VRK2: variants seen among roughly 807,000 people sequenced by gnomAD.
VRK2 encodes VRK serine/threonine kinase 2.
VRK2 carries 60 observed loss-of-function variants against 57.6 expected under a neutral mutation model. That is an observed-to-expected ratio of 1.04 (90% CI 0.85 to 1.29). The LOEUF is 1.29. VRK2 is among the 50% of genes most tolerant of loss of function. The probability of loss-of-function intolerance (pLI) is 0.00; values close to 1 mark genes in which losing one functional copy is unlikely to be tolerated. For missense variants in VRK2, 705 were observed against 588.1 expected (o/e 1.20, Z -2.06); for synonymous variants, 231 against 199.2 (o/e 1.16, Z -1.35).
chr2:57,959,387 T>G (rs982330852), intron 1 of VRK2, among the ~76,000 whole-genome samples: 1 of 152,194 alleles, frequency 6.6e-6, no homozygotes, highest in Admixed American at 6.5e-5. Flanking sequence ...TTTTTTTCTC[T>G]TTTTTTCCTT....
chr2:57,985,992 C>T (rs887190459), intron 1 of VRK2, among the ~76,000 whole-genome samples: 1 of 151,876 alleles, frequency 6.6e-6, no homozygotes, highest in Non-Finnish European at 1.5e-5. Flanking sequence ...AATTACAAAA[C>T]CAATGGTAGG....
chr2:58,049,413 A>G (rs748017926), intron 2 of VRK2, among the ~76,000 whole-genome samples: 3 of 152,176 alleles, frequency 2.0e-5, no homozygotes, highest in Non-Finnish European at 4.4e-5. Flanking sequence ...TAAGGCATCT[A>G]TTCTGTGAAA....
chr2:58,037,433 T>C (rs1002859354), intron 3 of VRK2, among the ~76,000 whole-genome samples: 1 of 152,040 alleles, frequency 6.6e-6, no homozygotes, highest in African/African-American at 2.4e-5. Context: ...TTATTTTCTA[T>C]GGGAAAGGGG....
intron 1 of VRK2, among the ~76,000 whole-genome samples, chr2:57,924,943 A>G (rs1394517755): frequency 5.9e-5 from 9 of 151,790 alleles, no homozygotes; most frequent in Admixed American, 5.9e-4. Flanking sequence ...TATCAAATGC[A>G]TTTTCAGCAT....
At chr2:58,154,728 G>C (rs1166880449) in intron 12 of VRK2, 2 of 716,920 alleles carry the variant, frequency 2.8e-6, no homozygotes, top group South Asian at 1.5e-5. Context: ...TCTTGATCTT[G>C]GTGTATTTTC....
chr2:57,926,445 G>A lies in VRK2; in HGVS notation c.-439+18606G>A, dbSNP rs201430375. ...TATATATATACATATATATATGTGT[G>A]TGTGTGTGTGTGTGTGTGTGTGTAT... On this transcript the variant is annotated intron_variant, in intron 1 of 15. Transcript: ENST00000417641. Among the ~76,000 whole-genome samples, 43 of 21,472 alleles carry A rather than the reference G, an allele frequency of 2.0e-3. 1 individual carries two copies. Among genetic ancestry groups the A allele is most frequent in the Non-Finnish European group, 3.0e-3 (32 of 10,826 alleles). The allele number at this position is 21,472 out of a possible 152,430, so 14.1% of individuals were successfully genotyped here. A position where few individuals can be genotyped will look rare whatever the true frequency, so the allele number is the denominator to read the frequency against.
At chr2:57,967,153 T>C (rs968716084) in intron 1 of VRK2, among the ~76,000 whole-genome samples, 21 of 152,118 alleles carry the variant, frequency 1.4e-4, no homozygotes, top group African/African-American at 5.1e-4. Context: ...ATGTTCTCAC[T>C]CCTAAGCGGG....
chr2:58,110,323 A>G (rs1675373966), intron 7 of VRK2, among the ~76,000 whole-genome samples: 1 of 152,210 alleles, frequency 6.6e-6, no homozygotes, highest in Admixed American at 6.5e-5. Context: ...TTATTTTAAT[A>G]GGGCATAATA....
intron 3 of VRK2, among the ~76,000 whole-genome samples, chr2:58,034,566 T>G (rs767515347): frequency 6.6e-6 from 1 of 152,012 alleles, no homozygotes; most frequent in South Asian, 2.1e-4. Context: ...ATGGTTTGTT[T>G]TATTACATTC....
intron 11 of VRK2, among the ~76,000 whole-genome samples, chr2:58,141,040 C>T (rs757625496): frequency 2.0e-5 from 3 of 151,974 alleles, no homozygotes; most frequent in Non-Finnish European, 1.5e-5. Flanking sequence ...GCACTATTTA[C>T]GTATTGCAGA....
intron 1 of VRK2, among the ~76,000 whole-genome samples, chr2:57,991,941 C>T (rs572504537): frequency 1.4e-5 from 2 of 143,126 alleles, no homozygotes; most frequent in East Asian, 4.0e-4. Flanking sequence ...CTGGCGACAG[C>T]ATGAGACTCC....
chr2:58,122,693 G>A (rs935913164), intron 7 of VRK2, among the ~76,000 whole-genome samples: 1 of 152,076 alleles, frequency 6.6e-6, no homozygotes, highest in Non-Finnish European at 1.5e-5. Flanking sequence ...TTTTTAGAAT[G>A]TTTGCTCTTA....
chr2:58,048,723 A>C, intron 1 of VRK2, 104 bp from the exon 2 acceptor site: 1 of 1,508,608 alleles, frequency 6.6e-7, no homozygotes, highest in Non-Finnish European at 8.9e-7. Context: ...ATTTCTGGGA[A>C]CCTGGGAAAG....
intron 2 of VRK2, among the ~76,000 whole-genome samples, chr2:58,057,271 C>G (rs564752282): frequency 6.4e-4 from 98 of 152,198 alleles, no homozygotes; most frequent in African/African-American, 2.2e-3. Context: ...TATATGTGAC[C>G]TGCGTGTAAG....
intron 2 of VRK2, among the ~76,000 whole-genome samples, chr2:58,072,937 TC>T (rs1669562319): frequency 6.6e-6 from 1 of 152,060 alleles, no homozygotes; most frequent in South Asian, 2.1e-4. Flanking sequence ...TAGATCTTTC[TC>T]CTAATCAGAT....
intron 1 of VRK2, among the ~76,000 whole-genome samples, chr2:58,001,663 A>C (rs57716941): frequency 0.025 from 3,744 of 152,158 alleles, 155 homozygotes; most frequent in African/African-American, 0.086. Context: ...CTCTATTAAA[A>C]ATACAAAAAT....
chr2:58,135,169 C>T lies in VRK2; in HGVS notation c.826C>T (p.Leu276Phe). ...GTTGGACGAGCTCCCCCAGTCAGTG[C>T]TTAAATGGGCTCCTTCTGGAAGCAG... ...NLLDELPQSV[L>F]KWAPSGSSCC... Residue 276 changes from leucine (L) to phenylalanine (F), a missense_variant, in exon 10 of 13, where the codon CTT (leucine) becomes TTT (phenylalanine). Transcript: ENST00000340157. 6.2e-7 allele frequency: 1 copy of T among 1,614,170 alleles called. No homozygotes were observed. Among genetic ancestry groups the T allele is most frequent in the South Asian group, 1.1e-5 (1 of 91,084 alleles).
chr2:57,931,820 T>G (rs1670735484), intron 1 of VRK2, among the ~76,000 whole-genome samples: 1 of 151,976 alleles, frequency 6.6e-6, no homozygotes, highest in Non-Finnish European at 1.5e-5. Flanking sequence ...CTTTCTTTTT[T>G]TTTTTTTTTG....
chr2:57,998,854 C>T (rs905824101), intron 1 of VRK2, among the ~76,000 whole-genome samples: 2 of 152,156 alleles, frequency 1.3e-5, no homozygotes, highest in Non-Finnish European at 2.9e-5. Context: ...AACACAGATG[C>T]CTTTGCTAAG....
Sources: allele counts gnomAD v4.1 joint callset (sites outside exome capture counted in the v4.1 genomes callset), GRCh38; gene constraint gnomAD v4.1.1; transcripts MANE v1.5; gene names NCBI Gene and HGNC (gene_info 2026-07-23, HGNC 2026-07-21).